The following MEGF9 variants were observed in gnomAD, a reference collection of about 807,000 sequenced individuals.
MEGF9 encodes multiple EGF like domains 9.
In MEGF9, 6 loss-of-function variants were observed where a neutral mutation model predicts 46.8. The ratio of observed to expected loss-of-function variants is 0.13; its 90% CI spans 0.07 to 0.25. MEGF9 has a LOEUF of 0.25. MEGF9 is among the 10% of genes least tolerant of loss of function. The pLI, the probability that MEGF9 is intolerant of heterozygous loss-of-function variation, is 1.00. For missense variants in MEGF9, 683 were observed against 792.4 expected (o/e 0.86, Z 1.66); for synonymous variants, 302 against 330.7 (o/e 0.91, Z 0.94).
rs753981609 is a variant in MEGF9 at position 120,713,997 on chromosome 9, C to T, written c.362G>A (p.Gly121Asp). 5 of 1,384,796 alleles carry T rather than the reference C, an allele frequency of 3.6e-6. No homozygotes were observed. Among genetic ancestry groups the T allele is most frequent in the Non-Finnish European group, 3.8e-6 (4 of 1,064,566 alleles). 85.8% of individuals were successfully genotyped at this position (1,384,796 alleles called of 1,614,324 possible). Residue 121 changes from glycine to aspartate, a missense_variant, in exon 1 of 6, where the codon GGC becomes GAC. Gly to Asp is a moderately conservative substitution (Grantham distance 94, BLOSUM62 -1). Around this residue, in one of 2 missense-constraint regions of MEGF9, gnomAD observed 370 missense variants for 371.3 expected, o/e 1.00. Transcript: ENST00000373930. The stretch of plus-strand genomic sequence containing the variant: ...CGCCGGAGGGGTGGTCGGCGAGGGG[C>T]CGAGCGGCGCCTGAAAGGTGGTGGA... Reference protein sequence around the residue: ...PSSTTFQAPLGPSPTTPPAAE... With the variant: ...PSSTTFQAPLDPSPTTPPAAE...
At chr9:120,611,883 G>GAGAGAGAAAGAA (rs1242135307) in intron 4 of MEGF9, among the ~76,000 whole-genome samples, 2 of 150,158 alleles carry the variant, frequency 1.3e-5, no homozygotes, top group Non-Finnish European at 3.0e-5. Context: ...GAGAGAGAGA[G>GAGAGAGAAAGAA]AGAAAGAAAG....
At chr9:120,684,992 G>A (rs769958860) in intron 1 of MEGF9, among the ~76,000 whole-genome samples, 4 of 151,976 alleles carry the variant, frequency 2.6e-5, no homozygotes, top group Non-Finnish European at 4.4e-5. Flanking sequence ...CCACCACCAC[G>A]CCCAGCTAAT....
chr9:120,628,477 T>TTG (rs1554795264), intron 2 of MEGF9, among the ~76,000 whole-genome samples: 3 of 138,086 alleles, frequency 2.2e-5, no homozygotes, highest in South Asian at 4.8e-4. Context: ...TGTTTTTTTT[T>TTG]TTTTTTTTTT....
Position 120,713,742 on chromosome 9 carries a change from G to C in MEGF9, c.601+16C>G. The C allele has an allele frequency of 7.8e-7, 1 of 1,285,020 alleles. No individual in the cohort carries two copies. Among genetic ancestry groups the C allele is most frequent in the Non-Finnish European group, 9.8e-7 (1 of 1,016,614 alleles). The allele number at this position is 1,285,020 out of a possible 1,614,324, so 79.6% of individuals were successfully genotyped here. On this transcript the variant is annotated intron_variant, in intron 1 of 5. Transcript: ENST00000373930. ...GGTGAGGACGGGTCCTGCCCGAGAGGGAGCGCCGGACTCACCTGGAGGAGG... is the reference window on the plus strand; with the variant it reads ...GGTGAGGACGGGTCCTGCCCGAGAGCGAGCGCCGGACTCACCTGGAGGAGG...
At chr9:120,712,973 T>G (rs1363234604) in intron 1 of MEGF9, among the ~76,000 whole-genome samples, 1 of 152,174 alleles carries the variant, frequency 6.6e-6, no homozygotes, top group Non-Finnish European at 1.5e-5. Context: ...TTGGCATATA[T>G]CAGCATCAGC....
At chr9:120,625,861 GA>G (rs2043523179) in intron 2 of MEGF9, among the ~76,000 whole-genome samples, 1 of 136,978 alleles carries the variant, frequency 7.3e-6, no homozygotes, top group Admixed American at 7.3e-5. Flanking sequence ...AAAAAAGAAA[GA>G]AAAGAAATCA....
chr9:120,616,641 G>A (rs1311885555), intron 3 of MEGF9, among the ~76,000 whole-genome samples: 1 of 139,554 alleles, frequency 7.2e-6, no homozygotes, highest in African/African-American at 2.7e-5. Context: ...ATCAGCCACT[G>A]CACTCCAGCC....
chr9:120,700,641 C>A (rs547110958), intron 1 of MEGF9, among the ~76,000 whole-genome samples: 1 of 152,112 alleles, frequency 6.6e-6, no homozygotes, highest in Admixed American at 6.6e-5. Flanking sequence ...CTTCCCCCCC[C>A]GTTATTTCCA....
Position 120,601,365 on chromosome 9 carries a change from A to G in MEGF9, c.*3825T>C, listed in dbSNP as rs2043394966. Reference sequence around the variant, plus strand: ...CCTAAAAAGTGTAGGACCAAGGTGAATGATCTAATAACCCCATTCCAATCA... The same window carrying G: ...CCTAAAAAGTGTAGGACCAAGGTGAGTGATCTAATAACCCCATTCCAATCA... On this transcript the variant is annotated 3_prime_UTR_variant, in exon 6 of 6. Transcript: ENST00000373930. 6.6e-6 allele frequency: 1 copy of G among 152,224 alleles called. No individual in the cohort carries two copies. The highest frequency in any genetic ancestry group is 6.5e-5 in the Admixed American group (1 of 15,280). 9.4% of individuals were successfully genotyped at this position (152,224 alleles called of 1,614,324 possible).
chr9:120,713,821 T>A lies in MEGF9; in HGVS notation c.538A>T (p.Ser180Cys). ...GTGGGGAGGACGCTGCTGTTGCTGC[T>A]GCTGGGGAGATCGGGGGTCGGGGTC... The part of the protein sequence containing the change: ...PRTPTPDLPS[S>C]SNSSVLPTPP... The change falls in exon 1 of 6, where the codon AGC becomes TGC. Residue 180 changes from serine to cysteine, a missense_variant. By Grantham distance (112) the Ser-to-Cys change is moderately radical. Transcript: ENST00000373930. The A allele has an allele frequency of 7.7e-7, 1 of 1,294,942 alleles. No homozygotes were observed. Among genetic ancestry groups the A allele is most frequent in the Non-Finnish European group, 9.8e-7 (1 of 1,021,620 alleles). 80.2% of individuals were successfully genotyped at this position (1,294,942 alleles called of 1,614,324 possible).
chr9:120,649,237 C>T (rs1175812062), intron 2 of MEGF9, among the ~76,000 whole-genome samples: 1 of 152,194 alleles, frequency 6.6e-6, no homozygotes, highest in African/African-American at 2.4e-5. Context: ...GTGGAACTCA[C>T]AGATAAGGAA....
chr9:120,660,101 G>C (rs1345421521), intron 1 of MEGF9, among the ~76,000 whole-genome samples: 1 of 151,810 alleles, frequency 6.6e-6, no homozygotes, highest in Non-Finnish European at 1.5e-5. Context: ...AGAGGAGAAA[G>C]TTTACAGGTT....
At chr9:120,631,146 G>A (rs1314569713) in intron 2 of MEGF9, among the ~76,000 whole-genome samples, 1 of 152,106 alleles carries the variant, frequency 6.6e-6, no homozygotes, top group Non-Finnish European at 1.5e-5. Context: ...ATTTGGAAAC[G>A]ATTTTTGTAT....
At chr9:120,712,239 C>G (rs2043957228) in intron 1 of MEGF9, among the ~76,000 whole-genome samples, 1 of 152,168 alleles carries the variant, frequency 6.6e-6, no homozygotes, top group Non-Finnish European at 1.5e-5. Flanking sequence ...GCCTGGGCAA[C>G]AGAGCCAGAC....
At chr9:120,693,923 C>CT (rs887730795) in intron 1 of MEGF9, among the ~76,000 whole-genome samples, 3 of 145,324 alleles carry the variant, frequency 2.1e-5, no homozygotes, top group African/African-American at 8.0e-5. Flanking sequence ...ATCAATTAGG[C>CT]TAAAAAAAAA....
intron 2 of MEGF9, among the ~76,000 whole-genome samples, chr9:120,648,929 T>C (rs1191506554): frequency 1.3e-5 from 2 of 152,182 alleles, no homozygotes; most frequent in Non-Finnish European, 2.9e-5. Flanking sequence ...ACAATTAAAA[T>C]GCAAAATAGT....
chr9:120,611,863 GAAA>G (rs1564411697), intron 4 of MEGF9, among the ~76,000 whole-genome samples: 4 of 129,908 alleles, frequency 3.1e-5, no homozygotes, highest in African/African-American at 1.3e-4. Flanking sequence ...AAGGAAGGAA[GAAA>G]GAGAGAGAGA....
chr9:120,622,417 C>CTTTTTT lies in MEGF9; in HGVS notation c.943+193_943+198dup, dbSNP rs59380409. 4.5e-4 allele frequency among the ~76,000 whole-genome samples: 46 copies of CTTTTTT among 101,178 alleles called. 4 individuals are homozygous for CTTTTTT. The highest frequency in any genetic ancestry group is 1.9e-3 in the South Asian group (5 of 2,602). 66.4% of individuals were successfully genotyped at this position (101,178 alleles called of 152,430 possible). A position where few individuals can be genotyped will look rare whatever the true frequency, so the allele number is the denominator to read the frequency against. On this transcript the variant is annotated intron_variant, in intron 3 of 5. Coordinates refer to ENST00000373930, the MANE Select transcript of MEGF9 (RefSeq NM_001080497.3). ...TCTCCTTGCCTCCATAGGTATATGA[C>CTTTTTT]TTTTTTTTTTTTTTTTTAATTTACG...
Position 120,636,829 on chromosome 9 carries a change from G to A in MEGF9, c.804-14074C>T, listed in dbSNP as rs925758542. ...GTCTGGGAGGTGGGGGGGCGCCCCC[G>A]CCCGGCAGCCGCCCCGTCTGGGGGG... is the stretch of plus-strand genomic sequence containing the variant. On this transcript the variant is annotated intron_variant, in intron 2 of 5. Coordinates refer to ENST00000373930, the MANE Select transcript of MEGF9 (RefSeq NM_001080497.3). 3.3e-4 allele frequency among the ~76,000 whole-genome samples: 49 copies of A among 147,934 alleles called. 1 individual carries two copies. In the East Asian group the frequency reaches 8.0e-3, roughly 24 times the overall value.
Sources: allele counts gnomAD v4.1 joint callset (sites outside exome capture counted in the v4.1 genomes callset), GRCh38; gene constraint gnomAD v4.1.1; regional missense constraint gnomAD v4.1.1; transcripts MANE v1.5; gene names NCBI Gene and HGNC (gene_info 2026-07-23, HGNC 2026-07-21).